Variants in C3orf49 observed in about 807,000 individuals in gnomAD.
C3orf49 encodes putative uncharacterized protein C3orf49.
Under a neutral mutation model 13.3 loss-of-function variants are expected in C3orf49, and 27 were observed. The observed-to-expected ratio is 2.02, with a 90% CI of 1.49 to 2.79. The LOEUF (loss-of-function observed/expected upper bound fraction) is 2.79, where lower values mean the gene tolerates loss of function less well. C3orf49 is among the 30% of genes most tolerant of loss of function. The pLI is 0.00. For missense variants in C3orf49, 242 were observed against 134.2 expected, an observed-to-expected ratio of 1.80 and a Z score of -3.97; for synonymous variants, 87 against 47.6, an observed-to-expected ratio of 1.83 and a Z score of -3.40.
At chr3:63,828,307 T>C (rs902610087) in intron 3 of C3orf49, among the ~76,000 whole-genome samples, 3 of 152,254 alleles carry the variant, frequency 2.0e-5, no homozygotes, top group African/African-American at 7.2e-5. Flanking sequence ...GTTTGTGTGT[T>C]TGTTTGTTTT....
intron 5 of C3orf49, chr3:63,839,691 G>T (rs1357121449): frequency 6.2e-7 from 1 of 1,612,452 alleles, no homozygotes; most frequent in African/African-American, 1.3e-5. Flanking sequence ...ACCATTTAAT[G>T]AAACTCTTCA....
the C3orf49 span, among the ~76,000 whole-genome samples, chr3:63,783,525 T>TACACACACACACAC: frequency 1.8e-4 from 24 of 132,024 alleles, 1 homozygote; most frequent in South Asian, 2.6e-4. Context: ...TACTAAAAAT[T>TACACACACACACAC]ACACACACAC....
chr3:63,844,067 A>C (rs542162918), intron 5 of C3orf49, among the ~76,000 whole-genome samples: 3 of 152,246 alleles, frequency 2.0e-5, no homozygotes, highest in Non-Finnish European at 4.4e-5. Flanking sequence ...ATGAACCTAG[A>C]GAACATTATG....
At chr3:63,837,047 G>GA (rs552047074) in intron 5 of C3orf49, among the ~76,000 whole-genome samples, 53 of 145,516 alleles carry the variant, frequency 3.6e-4, no homozygotes, top group South Asian at 1.1e-3. Flanking sequence ...ATTTTAAACT[G>GA]AAAAAAAAAA....
At chr3:63,783,565 C>CACACAA in the C3orf49 span, among the ~76,000 whole-genome samples, 6 of 134,208 alleles carry the variant, frequency 4.5e-5, no homozygotes, top group African/African-American at 1.4e-4. Context: ...CACACACACA[C>CACACAA]AAATTAGCCA....
At chr3:63,813,219 A>T in the C3orf49 span, among the ~76,000 whole-genome samples, 1 of 152,228 alleles carries the variant, frequency 6.6e-6, no homozygotes, top group East Asian at 1.9e-4. Context: ...AAATACAACT[A>T]CATATATCCT....
the C3orf49 span, among the ~76,000 whole-genome samples, chr3:63,783,598 G>C: frequency 6.6e-6 from 1 of 150,504 alleles, no homozygotes; most frequent in African/African-American, 2.4e-5. Context: ...GGCACATGTA[G>C]TCCCAGCTAC....
At chr3:63,846,885 G>C (rs1317438598) in intron 6 of C3orf49, among the ~76,000 whole-genome samples, 1 of 152,142 alleles carries the variant, frequency 6.6e-6, no homozygotes, top group Admixed American at 6.5e-5. Flanking sequence ...AAACCCAAAA[G>C]ACTGCAAATT....
the C3orf49 span, among the ~76,000 whole-genome samples, chr3:63,801,937 T>G: frequency 6.6e-6 from 1 of 152,202 alleles, no homozygotes; most frequent in South Asian, 2.1e-4. Context: ...GGCTTCCCAT[T>G]CGTTTTCAAC....
chr3:63,847,563 C>G (rs1311114728), intron 6 of C3orf49, among the ~76,000 whole-genome samples: 2 of 152,090 alleles, frequency 1.3e-5, no homozygotes, highest in South Asian at 2.1e-4. Flanking sequence ...AAGGCGAAAC[C>G]CTGTTTCTAC....
chr3:63,843,684 A>C (rs925564637), intron 5 of C3orf49, among the ~76,000 whole-genome samples: 1 of 152,094 alleles, frequency 6.6e-6, no homozygotes, highest in Non-Finnish European at 1.5e-5. Flanking sequence ...GCGCATCACG[A>C]GGTCAGGAGA....
the C3orf49 span, among the ~76,000 whole-genome samples, chr3:63,795,330 C>A: frequency 6.6e-6 from 1 of 152,174 alleles, no homozygotes; most frequent in Non-Finnish European, 1.5e-5. Context: ...ATCCTGTATC[C>A]TTGCCCTTGA....
chr3:63,838,098 A>G (rs770956644), intron 5 of C3orf49: 2 of 1,516,520 alleles, frequency 1.3e-6, no homozygotes, highest in Admixed American at 4.2e-5. Context: ...TAGTTGTAAC[A>G]AAATCAATAA....
At chr3:63,842,783 C>T (rs775128052) in intron 5 of C3orf49, among the ~76,000 whole-genome samples, 6 of 152,104 alleles carry the variant, frequency 3.9e-5, no homozygotes, top group East Asian at 3.9e-4. Flanking sequence ...GTACACTACC[C>T]GGGTGACAGG....
intron 5 of C3orf49, chr3:63,835,052 TG>T (rs1701601186): frequency 3.5e-6 from 4 of 1,139,464 alleles, no homozygotes; most frequent in Middle Eastern, 2.2e-4. Flanking sequence ...GTTCAGAAAT[TG>T]AAGGTATACT....
chr3:63,836,858 C>A (rs182819723), intron 5 of C3orf49, among the ~76,000 whole-genome samples: 155 of 151,952 alleles, frequency 1.0e-3, no homozygotes, highest in Middle Eastern at 3.4e-3. Flanking sequence ...TCCACTGAGA[C>A]CTCCAAGATA....
At chr3:63,841,714 A>G (rs188014771) in intron 5 of C3orf49, among the ~76,000 whole-genome samples, 2 of 152,342 alleles carry the variant, frequency 1.3e-5, no homozygotes, top group African/African-American at 4.8e-5. Flanking sequence ...CGGTTTTTTA[A>G]CCACCAACAT....
At chr3:63,782,209 T>G in the C3orf49 span, among the ~76,000 whole-genome samples, 2 of 152,222 alleles carry the variant, frequency 1.3e-5, no homozygotes, top group African/African-American at 2.4e-5. Flanking sequence ...TTTATTCTAT[T>G]GCAATTTCAA....
the C3orf49 span, chr3:63,782,386 T>C: frequency 6.6e-6 from 1 of 152,214 alleles, no homozygotes; most frequent in Non-Finnish European, 1.5e-5. Context: ...CATTTTCAAA[T>C]TCAATTTTCA....
Sources: gnomAD v4.1 joint callset for allele counts (sites outside exome capture counted in the v4.1 genomes callset) on GRCh38, gnomAD v4.1.1 for gene constraint, MANE v1.5 for transcripts, NCBI Gene and HGNC (gene_info 2026-07-23, HGNC 2026-07-21) for gene names.